Variants in SLC2A10 observed in about 807,000 individuals in gnomAD.
The protein encoded by SLC2A10 is solute carrier family 2, facilitated glucose transporter member 10.
Under a neutral mutation model 32.1 loss-of-function variants are expected in SLC2A10, and 25 were observed. The observed-to-expected ratio is 0.78, with a 90% CI of 0.57 to 1.09. The LOEUF is 1.09. Ranked by LOEUF, SLC2A10 falls within the 50% of genes least tolerant of loss-of-function variation. The pLI is 0.00. For synonymous variants in SLC2A10, 332 were observed against 309.6 expected (o/e 1.07, Z -0.76); for missense variants, 673 against 686.5 (o/e 0.98, Z 0.22).
chr20:46,724,875 CGGAT>C (rs3092014), intron 1 of SLC2A10, among the ~76,000 whole-genome samples, 162 bp from the exon 2 acceptor site: 97 of 139,756 alleles, frequency 6.9e-4, no homozygotes, highest in African/African-American at 7.5e-4. Flanking sequence ...GATGGATGGA[CGGAT>C]GGATGGATGG....
intron 4 of SLC2A10, among the ~76,000 whole-genome samples, chr20:46,730,100 A>G (rs1980218129): frequency 6.6e-6 from 1 of 152,210 alleles, no homozygotes; most frequent in Non-Finnish European, 1.5e-5. Context: ...ACCATAAACT[A>G]TCTTAGAGTC....
At chr20:46,710,343 G>A in intron 1 of SLC2A10, 1 of 304,204 alleles carries the variant, frequency 3.3e-6, no homozygotes, top group East Asian at 5.4e-5. Context: ...ATCAGTCGTT[G>A]ATTCTTGAGT....
chr20:46,726,658 T>C (rs537271795), intron 2 of SLC2A10, among the ~76,000 whole-genome samples: 1 of 152,278 alleles, frequency 6.6e-6, no homozygotes, highest in Non-Finnish European at 1.5e-5. Flanking sequence ...CATCTCGGCA[T>C]TGAAAGTCTC....
At chr20:46,724,970 G>T in intron 1 of SLC2A10, 71 bp from the exon 2 acceptor site, 3 of 1,606,708 alleles carry the variant, frequency 1.9e-6, no homozygotes, top group Non-Finnish European at 2.6e-6. Context: ...ACAGATGGAG[G>T]GAAGGTTGAA....
rs143301610 is a variant in SLC2A10, at chr20:46,725,551, C to T, written c.515C>T (p.Thr172Ile). Residue 172 changes from threonine (T) to isoleucine (I), a missense_variant, in exon 2 of 5, where the codon ACT becomes ATT. Transcript: ENST00000359271. Reference sequence around the variant, plus strand: ...TGGAGGCACATGTTCGGCTGGGCCACTGCACCTGCTGTCCTGCAATCCCTC... The same window carrying T: ...TGGAGGCACATGTTCGGCTGGGCCATTGCACCTGCTGTCCTGCAATCCCTC... Reference protein sequence around the residue: ...WGWRHMFGWATAPAVLQSLSL... With the variant: ...WGWRHMFGWAIAPAVLQSLSL... The T allele has an allele frequency of 1.4e-3, 2,197 of 1,614,086 alleles. No individual in the cohort carries two copies. The highest frequency in any genetic ancestry group is 1.7e-3 in the Non-Finnish European group (2,023 of 1,180,036).
In SLC2A10 at chr20:46,733,884, T is replaced by C. The variant is rs36103903; in HGVS notation, c.*50T>C. On this transcript the variant is annotated 3_prime_UTR_variant, in exon 5 of 5. Transcript: ENST00000359271. ...GGAACTGTGGCTTTGGCAGACCATC[T>C]CCAGCATCCTGCTTCCTAGGCCCCA... is the stretch of plus-strand genomic sequence containing the variant. 3.2e-3 allele frequency: 4,949 copies of C among 1,555,114 alleles called. 90 individuals are homozygous for C. In the East Asian group the frequency reaches 0.034, roughly 11 times the overall value.
Position 46,725,038 on chromosome 20 carries a change from T to C in SLC2A10, c.5-3T>C. ...CTCTGTCCCTCTCACTTTTGTTTTT[T>C]AGGCCACTCCCCACCTGTCCTGCCT... On this transcript the variant is annotated splice_region_variant and splice_polypyrimidine_tract_variant and intron_variant, in intron 1 of 4. Coordinates refer to ENST00000359271, the MANE Select transcript of SLC2A10 (RefSeq NM_030777.4). 6.2e-7 allele frequency: 1 copy of C among 1,614,254 alleles called. No homozygotes were observed. The highest frequency in any genetic ancestry group is 1.1e-5 in the South Asian group (1 of 91,082).
Position 46,725,121 on chromosome 20 carries a change from A to C in SLC2A10, c.85A>C (p.Ile29Leu), listed in dbSNP as rs761435312. Residue 29 changes from isoleucine to leucine, a missense_variant, in exon 2 of 5, where the codon ATA (isoleucine) becomes CTA (leucine). Physicochemically the swap from Ile to Leu is conservative, Grantham distance 5 (BLOSUM62 2). Coordinates refer to ENST00000359271, the MANE Select transcript of SLC2A10 (RefSeq NM_030777.4). ...GACCTTTGGTTATGAACTGGCAGTC[A>C]TATCAGGTGCCCTGCTGCCACTGCA... ...GLTFGYELAV[I>L]SGALLPLQLD... The C allele has an allele frequency of 6.2e-7, 1 of 1,614,082 alleles. No individual in the cohort carries two copies. The highest frequency in any genetic ancestry group is 8.5e-7 in the Non-Finnish European group (1 of 1,180,042).
intron 1 of SLC2A10, among the ~76,000 whole-genome samples, chr20:46,724,246 C>T (rs987863035): frequency 2.6e-5 from 4 of 152,222 alleles, no homozygotes; most frequent in Non-Finnish European, 5.9e-5. Context: ...AACTTTAGAT[C>T]CTGGACAACA....
At position 46,725,421 on chromosome 20, in the gene SLC2A10, C is replaced by A; in HGVS notation, c.385C>A (p.Pro129Thr). Residue 129 changes from proline to threonine, a missense_variant, in exon 2 of 5, where the codon CCA becomes ACA. Physicochemically the swap from Pro to Thr is conservative, Grantham distance 38 (BLOSUM62 -1). Coordinates refer to ENST00000359271, the MANE Select transcript of SLC2A10 (RefSeq NM_030777.4). ...CCIYVSELVG[P>T]RQRGVLVSLY... ...TATCTACGTGTCAGAGCTGGTGGGG[C>A]CACGGCAGCGGGGAGTGCTGGTGTC... 6.2e-7 allele frequency: 1 copy of A among 1,614,150 alleles called. No individual in the cohort carries two copies. Among genetic ancestry groups the A allele is most frequent in the Non-Finnish European group, 8.5e-7 (1 of 1,180,026 alleles).
chr20:46,718,019 C>T (rs542223699), intron 1 of SLC2A10, among the ~76,000 whole-genome samples: 35 of 152,082 alleles, frequency 2.3e-4, no homozygotes, highest in Middle Eastern at 3.4e-3. Context: ...CCCAGGAGTT[C>T]GAGACCAGCC....
chr20:46,732,660 C>T (rs564585045), intron 4 of SLC2A10, among the ~76,000 whole-genome samples: 4 of 151,872 alleles, frequency 2.6e-5, no homozygotes, highest in East Asian at 1.9e-4. Flanking sequence ...TCAACAAGCA[C>T]GGTGATATTT....
At chr20:46,709,923 G>T in intron 1 of SLC2A10, 183 bp downstream of exon 1, 1 of 627,852 alleles carries the variant, frequency 1.6e-6, no homozygotes, top group Non-Finnish European at 2.7e-6. Context: ...GACGGGGCTC[G>T]GTCGCGCTTC....
At chr20:46,724,806 AGGATGGAT>A (rs111504264) in intron 1 of SLC2A10, among the ~76,000 whole-genome samples, 229 of 125,700 alleles carry the variant, frequency 1.8e-3, no homozygotes, top group African/African-American at 3.8e-3. Flanking sequence ...GACAGATGGA[AGGATGGAT>A]GGATGGATGG....
Position 46,725,756 on chromosome 20 carries a change from C to T in SLC2A10, c.720C>T (p.Leu240=). 6.2e-7 allele frequency: 1 copy of T among 1,614,206 alleles called. No individual in the cohort carries two copies. The highest frequency in any genetic ancestry group is 8.5e-7 in the Non-Finnish European group (1 of 1,180,032). ...CCACAGTGGGCCTGGGGCTGGTGCT[C>T]TTCCAGCAACTAACAGGGCAGCCCA... is the stretch of plus-strand genomic sequence containing the variant. The part of the protein sequence containing the change: ...GRTTVGLGLV[L]FQQLTGQPNV... The change falls in exon 2 of 5, where the codon CTC becomes CTT. Residue 240 remains leucine (L), a synonymous_variant. Transcript: ENST00000359271.
At chr20:46,732,938 T>C (rs1980373121) in intron 4 of SLC2A10, among the ~76,000 whole-genome samples, 1 of 152,010 alleles carries the variant, frequency 6.6e-6, no homozygotes, top group Admixed American at 6.6e-5. Flanking sequence ...TTAGGAGTTT[T>C]GAAGGGAGAG....
chr20:46,734,052 G>A lies in SLC2A10; in HGVS notation c.*218G>A. The A allele has an allele frequency of 1.6e-6, 1 of 607,054 alleles. No individual in the cohort carries two copies. The highest frequency in any genetic ancestry group is 4.4e-4 in the Middle Eastern group (1 of 2,290). The allele number at this position is 607,054 out of a possible 1,614,324, so 37.6% of individuals were successfully genotyped here. Reference sequence around the variant, plus strand: ...GGCCCTGAAGGTTCCTGAGGATCTAGCTTCATGCCTCAGTTTCCCCATTGA... The same window carrying A: ...GGCCCTGAAGGTTCCTGAGGATCTAACTTCATGCCTCAGTTTCCCCATTGA... On this transcript the variant is annotated 3_prime_UTR_variant, in exon 5 of 5. Transcript: ENST00000359271.
In SLC2A10 at chr20:46,725,156, T is replaced by C. The variant is rs202176956; in HGVS notation, c.120T>C (p.Phe40=). The change falls in exon 2 of 5, where the codon TTT becomes TTC. Residue 40 remains phenylalanine, a synonymous_variant. Coordinates refer to ENST00000359271, the MANE Select transcript of SLC2A10 (RefSeq NM_030777.4). The stretch of plus-strand genomic sequence containing the variant: ...CCCTGCTGCCACTGCAGCTTGACTT[T>C]GGGCTAAGCTGCTTGGAGCAGGAGT... ...SGALLPLQLD[F]GLSCLEQEFL... is the part of the protein sequence containing the mutation. 20 of 1,614,166 alleles carry C rather than the reference T, an allele frequency of 1.2e-5. No individual in the cohort carries two copies. The East Asian group carries it at 4.5e-4, about 36-fold the overall frequency.
chr20:46,727,039 T>G, intron 3 of SLC2A10, 53 bp downstream of exon 3: 1 of 1,613,216 alleles, frequency 6.2e-7, no homozygotes, highest in South Asian at 1.1e-5. Flanking sequence ...AGCTCCCTAC[T>G]CTAAAGCAGA....
Sources: gnomAD v4.1 joint callset for allele counts (sites outside exome capture counted in the v4.1 genomes callset) on GRCh38, gnomAD v4.1.1 for gene constraint, MANE v1.5 for transcripts, NCBI Gene and HGNC (gene_info 2026-07-23, HGNC 2026-07-21) for gene names.